TICRR: variants seen among roughly 807,000 people sequenced by gnomAD.
TICRR encodes treslin.
In TICRR, 132 loss-of-function variants were observed where a neutral mutation model predicts 178.1. The ratio of observed to expected loss-of-function variants is 0.74; its 90% confidence interval spans 0.64 to 0.86. The LOEUF is 0.86. Ranked by LOEUF, TICRR falls within the 40% of genes least tolerant of loss-of-function variation. TICRR has a pLI of 0.00. For synonymous variants in TICRR, 991 were observed against 900.7 expected, an observed-to-expected ratio of 1.10 and a Z score of -1.79; for missense variants, 2,587 against 2,334.3, an observed-to-expected ratio of 1.11 and a Z score of -2.23.
chr15:89,595,455 T>C lies in TICRR; in HGVS notation c.1744T>C (p.Leu582=), dbSNP rs772207628. 1.2e-6 allele frequency: 2 copies of C among 1,614,084 alleles called. No individual in the cohort carries two copies. The highest frequency in any genetic ancestry group is 2.2e-5 in the South Asian group (2 of 91,076). Residue 582 remains leucine (L), a synonymous_variant, in exon 7 of 22, where the codon TTG becomes CTG. Coordinates refer to ENST00000268138, the MANE Select transcript of TICRR (RefSeq NM_152259.4). The part of the protein sequence containing the change: ...MNTMCRSLKM[L]NVARLNVKAQ... Reference sequence around the variant, plus strand: ...TACCATGTGCCGTTCCTTAAAGATGTTGAATGTCGCAAGGCTGAATGTGAA... The same window carrying C: ...TACCATGTGCCGTTCCTTAAAGATGCTGAATGTCGCAAGGCTGAATGTGAA...
rs774297065 is a variant in TICRR, at chr15:89,625,966, G to A, written c.5507G>A (p.Arg1836Gln). 3.7e-5 allele frequency: 59 copies of A among 1,598,970 alleles called. No homozygotes were observed. Among genetic ancestry groups the A allele is most frequent in the Admixed American group, 5.2e-5 (3 of 57,542 alleles). ...ACCCCACCTCCCAGCTGTGCCGTGC[G>A]GAGCTGCCTCTCTGCCAGTGCCCTC... is the stretch of plus-strand genomic sequence containing the variant. ...GSTPPPSCAV[R>Q]SCLSASALQA... Residue 1836 changes from arginine (R) to glutamine (Q), a missense_variant, in exon 21 of 22, where the codon CGG (arginine) becomes CAG (glutamine). Coordinates refer to ENST00000268138, the MANE Select transcript of TICRR (RefSeq NM_152259.4).
rs185976313 is a variant in TICRR at position 89,598,414 on chromosome 15, G to A, written c.1901-910G>A. On this transcript the variant is annotated intron_variant, in intron 7 of 21. Transcript: ENST00000268138. ...TTTCACTCTTATTGCCCAGACTGGA[G>A]TGCAATGGTGCGGTCTTGGCTCACT... 5.0e-3 allele frequency among the ~76,000 whole-genome samples: 756 copies of A among 152,212 alleles called. 3 individuals carry two copies. The highest frequency in any genetic ancestry group is 0.021 in the Middle Eastern group (6 of 292).
intron 17 of TICRR, among the ~76,000 whole-genome samples, chr15:89,619,295 C>G (rs748763268): frequency 4.3e-5 from 6 of 138,584 alleles, no homozygotes; most frequent in Non-Finnish European, 7.6e-5. Flanking sequence ...GCATGCTCTC[C>G]GCTCACTGCA....
At chr15:89,601,605 T>G (rs1338063113) in intron 11 of TICRR, 37 bp downstream of exon 11, 1 of 1,612,646 alleles carries the variant, frequency 6.2e-7, no homozygotes, top group Non-Finnish European at 8.5e-7. Context: ...TTTAAAATTG[T>G]TTTGTCAAAA....
At chr15:89,615,080 C>T (rs886778523) in intron 15 of TICRR, among the ~76,000 whole-genome samples, 2 of 152,220 alleles carry the variant, frequency 1.3e-5, no homozygotes, top group African/African-American at 4.8e-5. Context: ...TGTGATGTCT[C>T]ATTCCCCAAT....
rs186502422 is a variant in TICRR at position 89,600,816 on chromosome 15, A to G, written c.2153+131A>G. 650 of 510,246 alleles carry G rather than the reference A, an allele frequency of 1.3e-3. 1 individual carries two copies. The highest frequency in any genetic ancestry group is 3.6e-3 in the Admixed American group (91 of 25,172). The allele number at this position is 510,246 out of a possible 1,614,324, so 31.6% of individuals were successfully genotyped here. ...TCCTAGTACCTTGGGAAGCCAAAGC[A>G]GGAGGATTGCTTGCAGCCAGGAATT... On this transcript the variant is annotated intron_variant, in intron 9 of 21. Coordinates refer to ENST00000268138, the MANE Select transcript of TICRR (RefSeq NM_152259.4).
In TICRR at chr15:89,624,407, A is replaced by G. The variant is rs1963477237; in HGVS notation, c.4097A>G (p.Gln1366Arg). ...CCCTCAACTCCCCCTGAACTCTCACAGAGAGCTACATTGGACACCGTCCCT... is the reference window on the plus strand; with the variant it reads ...CCCTCAACTCCCCCTGAACTCTCACGGAGAGCTACATTGGACACCGTCCCT... Reference protein sequence around the residue: ...PVPSTPPELSQRATLDTVPPP... With the variant: ...PVPSTPPELSRRATLDTVPPP... Residue 1366 changes from glutamine (Q) to arginine (R), a missense_variant, in exon 20 of 22, where the codon CAG (glutamine) becomes CGG (arginine). Transcript: ENST00000268138. 6.2e-7 allele frequency: 1 copy of G among 1,614,202 alleles called. No homozygotes were observed. The highest frequency in any genetic ancestry group is 8.5e-7 in the Non-Finnish European group (1 of 1,180,038).
intron 15 of TICRR, among the ~76,000 whole-genome samples, chr15:89,614,927 C>T (rs1005327193): frequency 6.6e-6 from 1 of 152,202 alleles, no homozygotes; most frequent in African/African-American, 2.4e-5. Context: ...TTCCACTTCA[C>T]TTTCTGTTTT....
intron 7 of TICRR, among the ~76,000 whole-genome samples, chr15:89,598,146 GTTTTT>G (rs764483944): frequency 0.011 from 878 of 77,362 alleles, 6 homozygotes; most frequent in Non-Finnish European, 0.024. Context: ...TTGTTTGTTT[GTTTTT>G]TTTAGTAGAG....
chr15:89,626,369 A>T (rs568061689), intron 21 of TICRR, among the ~76,000 whole-genome samples: 1 of 152,344 alleles, frequency 6.6e-6, no homozygotes, highest in Admixed American at 6.5e-5. Context: ...AGGCGTTCTG[A>T]GCAGCACGAG....
chr15:89,597,844 T>G (rs765267469), intron 7 of TICRR, among the ~76,000 whole-genome samples: 3 of 152,228 alleles, frequency 2.0e-5, no homozygotes, highest in Non-Finnish European at 2.9e-5. Flanking sequence ...TTGACAGTAT[T>G]GAGTCTTTCT....
chr15:89,625,649 A>G lies in TICRR; in HGVS notation c.5339A>G (p.Lys1780Arg). The G allele has an allele frequency of 6.2e-7, 1 of 1,613,738 alleles. No homozygotes were observed. The highest frequency in any genetic ancestry group is 1.6e-4 in the Middle Eastern group (1 of 6,062). ...LSSRKRVLLA[K>R]EEADRGAKRI... ...TCCAGGAAGAGAGTCCTGTTGGCCA[A>G]GGAAGAAGCTGACCGTGGAGCCAAA... The change falls in exon 20 of 22, where the codon AAG becomes AGG. Residue 1780 changes from lysine to arginine, a missense_variant. Physicochemically the swap from Lys to Arg is conservative, Grantham distance 26. Transcript: ENST00000268138.
chr15:89,604,442 T>G (rs542923468), intron 13 of TICRR, among the ~76,000 whole-genome samples: 1 of 152,302 alleles, frequency 6.6e-6, no homozygotes, highest in East Asian at 1.9e-4. Flanking sequence ...CTTTGAAACT[T>G]TGGTTTTAGA....
Position 89,621,425 on chromosome 15 carries a change from C to G in TICRR, c.3187C>G (p.Arg1063Gly), listed in dbSNP as rs1232246210. ...AGAAAATTCTCCAGTCCAAAGTATT[C>G]GGTCTCCCAAGAGTCTTCTTTTTGG... The part of the protein sequence containing the change: ...QRENSPVQSI[R>G]SPKSLLFGAM... Residue 1063 changes from arginine to glycine, a missense_variant, in exon 19 of 22, where the codon CGG becomes GGG. Physicochemically the swap from Arg to Gly is moderately radical, Grantham distance 125 (BLOSUM62 -2). Coordinates refer to ENST00000268138, the MANE Select transcript of TICRR (RefSeq NM_152259.4). The G allele has an allele frequency of 1.2e-6, 2 of 1,610,552 alleles. No homozygotes were observed. Among genetic ancestry groups the G allele is most frequent in the Admixed American group, 3.4e-5 (2 of 58,834 alleles).
Position 89,584,807 on chromosome 15 carries a change from G to T in TICRR, c.1176+280G>T, listed in dbSNP as rs2141954187. On this transcript the variant is annotated intron_variant, in intron 3 of 21. Coordinates refer to ENST00000268138, the MANE Select transcript of TICRR (RefSeq NM_152259.4). The stretch of plus-strand genomic sequence containing the variant: ...AGTGCTTATGTTAGGGTAGTAATGT[G>T]ATGAGTGATTTCTCATTGTTTTTTA... 1.3e-5 allele frequency among the ~76,000 whole-genome samples: 2 copies of T among 152,276 alleles called. 1 individual carries two copies. The highest frequency in any genetic ancestry group is 4.1e-4 in the South Asian group (2 of 4,830).
intron 4 of TICRR, among the ~76,000 whole-genome samples, chr15:89,590,222 C>T (rs1440504224): frequency 6.6e-6 from 1 of 152,146 alleles, no homozygotes; most frequent in Non-Finnish European, 1.5e-5. Context: ...ACGTAGTGTA[C>T]AGCACTGCGC....
At chr15:89,596,154 A>G (rs1235911116) in intron 7 of TICRR, among the ~76,000 whole-genome samples, 2 of 152,222 alleles carry the variant, frequency 1.3e-5, no homozygotes, top group Admixed American at 1.3e-4. Flanking sequence ...AGATGCCCCA[A>G]TAATTCCGTG....
In TICRR at chr15:89,601,048, GAAAAAA is replaced by G. The variant is rs71151515; in HGVS notation, c.2154-232_2154-227del. On this transcript the variant is annotated intron_variant, in intron 9 of 21. Transcript: ENST00000268138. ...GCAACAGAGCAAGACCCTGTCTCAG[GAAAAAA>G]AAAAAAAAAAAAAAAAAGATTACCA... 9.4e-5 allele frequency among the ~76,000 whole-genome samples: 7 copies of G among 74,820 alleles called. No individual in the cohort carries two copies. In the South Asian group the frequency reaches 2.6e-3, roughly 27 times the overall value. The allele number at this position is 74,820 out of a possible 152,430, so 49.1% of individuals were successfully genotyped here.
At chr15:89,622,650 C>T (rs1465195740) in intron 19 of TICRR, among the ~76,000 whole-genome samples, 1 of 152,190 alleles carries the variant, frequency 6.6e-6, no homozygotes, top group African/African-American at 2.4e-5. Flanking sequence ...AGTCTCCTCC[C>T]CCAGGCAGGC....
Sources: allele counts gnomAD v4.1 joint callset (sites outside exome capture counted in the v4.1 genomes callset), GRCh38; gene constraint gnomAD v4.1.1; transcripts MANE v1.5; gene names NCBI Gene and HGNC (gene_info 2026-07-23, HGNC 2026-07-21).